The following LAMC3 variants were observed in gnomAD, a reference collection of about 807,000 sequenced individuals.
LAMC3 encodes laminin subunit gamma-3.
In LAMC3, 128 loss-of-function variants were observed where a neutral mutation model predicts 173.8. The ratio of observed to expected loss-of-function variants is 0.74; its 90% confidence interval spans 0.64 to 0.85. The LOEUF (loss-of-function observed/expected upper bound fraction) is 0.85. Ranked by LOEUF, LAMC3 falls within the 40% of genes least tolerant of loss-of-function variation. LAMC3 has a pLI of 0.00. For synonymous variants in LAMC3, 897 were observed against 909.1 expected, an observed-to-expected ratio of 0.99 and a Z score of 0.24; for missense variants, 2,022 against 2,156.0, an observed-to-expected ratio of 0.94 and a Z score of 1.23.
In LAMC3 at chr9:131,071,611, A is replaced by G. The variant is rs1474622364; in HGVS notation, c.3197A>G (p.His1066Arg). The change falls in exon 18 of 28, where the codon CAT (histidine) becomes CGT (arginine). Residue 1066 changes from histidine (H) to arginine (R), a missense_variant. Transcript: ENST00000361069. ...EAPRGDVYQGHHLLPGAREAF... is the reference protein window; with the variant it reads ...EAPRGDVYQGRHLLPGAREAF... ...CCAAGGGGGGACGTCTACCAGGGCCATCACCTGCTTCCAGGTACAGCAGGA... is the reference window on the plus strand; with the variant it reads ...CCAAGGGGGGACGTCTACCAGGGCCGTCACCTGCTTCCAGGTACAGCAGGA... 2 of 1,591,256 alleles carry G rather than the reference A, an allele frequency of 1.3e-6. No homozygotes were observed. Among genetic ancestry groups the G allele is most frequent in the African/African-American group, 2.7e-5 (2 of 74,788 alleles).
intron 2 of LAMC3, among the ~76,000 whole-genome samples, chr9:131,027,603 A>G (rs1277885883): frequency 6.6e-6 from 1 of 151,464 alleles, no homozygotes; most frequent in African/African-American, 2.4e-5. Context: ...TTTTATTATT[A>G]ATATTTTATT....
At chr9:131,068,685 GTT>G (rs1829986132) in intron 15 of LAMC3, among the ~76,000 whole-genome samples, 1 of 152,172 alleles carries the variant, frequency 6.6e-6, no homozygotes, top group Non-Finnish European at 1.5e-5. Flanking sequence ...CCCGAGACAC[GTT>G]TGTCCCCATA....
intron 20 of LAMC3, among the ~76,000 whole-genome samples, chr9:131,074,544 A>G (rs1166625728): frequency 1.3e-5 from 2 of 151,476 alleles, no homozygotes; most frequent in African/African-American, 4.9e-5. Context: ...GAAAGTACAT[A>G]AATTAGCCAG....
intron 11 of LAMC3, among the ~76,000 whole-genome samples, chr9:131,054,511 T>C (rs368042396): frequency 4.6e-5 from 7 of 152,132 alleles, no homozygotes; most frequent in African/African-American, 1.7e-4. Context: ...CCCAGCTCTT[T>C]GGGAGGCTGA....
At chr9:131,062,335 G>A (rs918974217) in intron 13 of LAMC3, among the ~76,000 whole-genome samples, 2 of 151,518 alleles carry the variant, frequency 1.3e-5, no homozygotes, top group Non-Finnish European at 2.9e-5. Context: ...CACTCCAGCC[G>A]GGGCAACAAG....
chr9:131,045,228 A>AC (rs554924811), intron 7 of LAMC3, among the ~76,000 whole-genome samples: 10 of 65,388 alleles, frequency 1.5e-4, no homozygotes, highest in Non-Finnish European at 3.6e-4. Context: ...TCTCAAAAAA[A>AC]AAAAAAAACA....
At chr9:131,046,417 C>T (rs1322309243) in intron 8 of LAMC3, among the ~76,000 whole-genome samples, 3 of 151,120 alleles carry the variant, frequency 2.0e-5, no homozygotes, top group South Asian at 2.1e-4. Context: ...TCTTTAGACC[C>T]AGGCTGGTCT....
At position 131,036,196 on chromosome 9, in the gene LAMC3, C is replaced by T. The variant is rs533944954; in HGVS notation, c.840C>T (p.Cys280=). 3.3e-5 allele frequency: 54 copies of T among 1,613,166 alleles called. 1 individual carries two copies. The Middle Eastern group carries it at 6.6e-4, about 20-fold the overall frequency. The change falls in exon 4 of 28, where the codon TGC becomes TGT. Residue 280 remains cysteine (C), a synonymous_variant. Coordinates refer to ENST00000361069, the MANE Select transcript of LAMC3 (RefSeq NM_006059.4). ...AGTGCAACGGGCATGCCAGCGAGTGCGGCCCCGACGTGGCAGGCCAGTTGG... is the reference window on the plus strand; with the variant it reads ...AGTGCAACGGGCATGCCAGCGAGTGTGGCCCCGACGTGGCAGGCCAGTTGG... ...RCKCNGHASE[C]GPDVAGQLAC...
intron 13 of LAMC3, among the ~76,000 whole-genome samples, chr9:131,063,655 C>T (rs140154850): frequency 2.2e-4 from 34 of 152,330 alleles, no homozygotes; most frequent in African/African-American, 7.5e-4. Flanking sequence ...TGGCCCCTTG[C>T]AGCCCCTCCC....
intron 3 of LAMC3, among the ~76,000 whole-genome samples, chr9:131,033,174 C>T (rs1206632533): frequency 6.6e-6 from 1 of 152,246 alleles, no homozygotes; most frequent in Non-Finnish European, 1.5e-5. Context: ...AGTCCCAAGG[C>T]CTGTCTCGCA....
chr9:131,023,673 T>C (rs1417861916), intron 1 of LAMC3, among the ~76,000 whole-genome samples: 1 of 152,178 alleles, frequency 6.6e-6, no homozygotes, highest in Non-Finnish European at 1.5e-5. Flanking sequence ...AGTGGCGTGA[T>C]CATGGCTCAC....
At chr9:131,038,522 T>C (rs1237762154) in intron 4 of LAMC3, among the ~76,000 whole-genome samples, 3 of 152,090 alleles carry the variant, frequency 2.0e-5, no homozygotes, top group Admixed American at 1.3e-4. Flanking sequence ...CAGGAGATTT[T>C]GGAGAGAGCC....
rs573464135 is a variant in LAMC3 at position 131,050,001 on chromosome 9, G to A, written c.1630+871G>A. ...CCTCCCTCCCTCTGCCAGAGAGGCC[G>A]GGGAGATGATGTCACAGGTGGCTGA... On this transcript the variant is annotated intron_variant, in intron 9 of 27. Transcript: ENST00000361069. 5.3e-5 allele frequency among the ~76,000 whole-genome samples: 8 copies of A among 152,332 alleles called. 1 individual carries two copies. The highest frequency in any genetic ancestry group is 4.1e-4 in the South Asian group (2 of 4,826).
Position 131,045,596 on chromosome 9 carries a change from CTCCAAGGTGTGCGCG to C in LAMC3, c.1460_1474del (p.Lys487_Ser491del). On this transcript the variant is annotated inframe_deletion, in exon 8 of 28. Transcript: ENST00000361069. ...GCAGCAGCTGTTTCTGCTATGGCCACTCCAAGGTGTGCGCGTCCACTGCCCAGTTCCAGGTGCATC... is the reference window on the plus strand; with the variant it reads ...GCAGCAGCTGTTTCTGCTATGGCCACTCCACTGCCCAGTTCCAGGTGCATC... 1 of 1,614,182 alleles carries C rather than the reference CTCCAAGGTGTGCGCG, an allele frequency of 6.2e-7. No individual in the cohort carries two copies. Among genetic ancestry groups the C allele is most frequent in the Non-Finnish European group, 8.5e-7 (1 of 1,180,044 alleles).
At chr9:131,033,894 G>A (rs904400931) in intron 3 of LAMC3, among the ~76,000 whole-genome samples, 1 of 152,146 alleles carries the variant, frequency 6.6e-6, no homozygotes, top group Non-Finnish European at 1.5e-5. Flanking sequence ...AGAAGGGGGC[G>A]GCATGAGGCT....
intron 2 of LAMC3, among the ~76,000 whole-genome samples, chr9:131,031,772 G>A (rs1020864295): frequency 2.0e-5 from 3 of 152,186 alleles, no homozygotes; most frequent in African/African-American, 7.2e-5. Flanking sequence ...TGTAGGGGAG[G>A]TGCTATTTTT....
At chr9:131,062,903 A>AT (rs1829858871) in intron 13 of LAMC3, among the ~76,000 whole-genome samples, 1 of 151,970 alleles carries the variant, frequency 6.6e-6, no homozygotes, top group Non-Finnish European at 1.5e-5. Context: ...GGATTGTTGA[A>AT]TAGCCCTTCC....
At chr9:131,012,207 CTG>C (rs1833428809) in intron 1 of LAMC3, among the ~76,000 whole-genome samples, 1 of 152,158 alleles carries the variant, frequency 6.6e-6, no homozygotes, top group Admixed American at 6.5e-5. Flanking sequence ...GTCCTGTGCT[CTG>C]GGGCCAGCTC....
chr9:131,057,059 A>G lies in LAMC3; in HGVS notation c.2070A>G (p.Gly690=), dbSNP rs776456877. The stretch of plus-strand genomic sequence containing the variant: ...AGTTCTGTGAATCCTGTGCTCCGGG[A>G]TACAAGAGGGAGATGCCACAGGGGG... ...TGQFCESCAP[G]YKREMPQGGP... is the part of the protein sequence containing the mutation. Residue 690 remains glycine, a synonymous_variant, in exon 12 of 28, where the codon GGA becomes GGG. Transcript: ENST00000361069. The G allele has an allele frequency of 1.2e-6, 2 of 1,614,126 alleles. No individual in the cohort carries two copies. The highest frequency in any genetic ancestry group is 2.2e-5 in the South Asian group (2 of 91,084).
Sources: allele counts gnomAD v4.1 joint callset (sites outside exome capture counted in the v4.1 genomes callset), GRCh38; gene constraint gnomAD v4.1.1; transcripts MANE v1.5; gene names NCBI Gene and HGNC (gene_info 2026-07-23, HGNC 2026-07-21).